The following GPR149 variants were observed in gnomAD, a reference collection of about 807,000 sequenced individuals.
GPR149 encodes the protein probable G protein-coupled receptor 149.
GPR149 carries 50 observed loss-of-function variants against 50.2 expected under a neutral mutation model. The observed-to-expected ratio is 1.00, with a 90% CI of 0.79 to 1.26. The LOEUF (loss-of-function observed/expected upper bound fraction) is 1.26. GPR149 is among the 50% of genes most tolerant of loss of function. The pLI, the probability that GPR149 is intolerant of heterozygous loss-of-function variation, is 0.00. For missense variants in GPR149, 983 were observed against 895.4 expected (o/e 1.10, Z -1.25); for synonymous variants, 405 against 358.2 (o/e 1.13, Z -1.48).
rs546651113 is a variant in GPR149 at position 154,353,837 on chromosome 3, C to T, written c.1624-15566G>A. On this transcript the variant is annotated intron_variant, in intron 3 of 3. Transcript: ENST00000389740. ...TTTCTTTCAAATACAGGACAAGGTC[C>T]TAACTTGAATAGGAAAGAGATATGT... The T allele has an allele frequency of 4.7e-6, 3 of 638,562 alleles. No homozygotes were observed. The East Asian group carries it at 8.7e-5, about 18-fold the overall frequency. 39.6% of individuals were successfully genotyped at this position (638,562 alleles called of 1,614,324 possible). A position where few individuals can be genotyped will look rare whatever the true frequency, so the allele number is the denominator to read the frequency against.
intron 3 of GPR149, among the ~76,000 whole-genome samples, chr3:154,402,444 A>T (rs1218997360): frequency 6.6e-6 from 1 of 151,178 alleles, no homozygotes; most frequent in Non-Finnish European, 1.5e-5. Context: ...ATAAATAAAT[A>T]AATATAGAAT....
intron 3 of GPR149, among the ~76,000 whole-genome samples, chr3:154,365,174 A>G (rs1018498105): frequency 1.3e-5 from 2 of 152,168 alleles, no homozygotes; most frequent in African/African-American, 2.4e-5. Flanking sequence ...CACTTCAATG[A>G]TGAATGTTGA....
intron 3 of GPR149, among the ~76,000 whole-genome samples, chr3:154,382,517 A>G (rs995067988): frequency 1.3e-5 from 2 of 152,242 alleles, no homozygotes; most frequent in Admixed American, 1.3e-4. Context: ...TCAAATGTCA[A>G]ATGACCACTT....
At chr3:154,413,927 G>A (rs1423631423) in intron 3 of GPR149, among the ~76,000 whole-genome samples, 2 of 131,646 alleles carry the variant, frequency 1.5e-5, no homozygotes, top group Non-Finnish European at 3.2e-5. Context: ...TCAACGAGTT[G>A]ATAAAGAAAT....
chr3:154,387,819 A>C (rs890555582), intron 3 of GPR149, among the ~76,000 whole-genome samples: 2 of 152,118 alleles, frequency 1.3e-5, no homozygotes, highest in African/African-American at 4.8e-5. Context: ...AAACAAAACA[A>C]ATCAAAACTG....
At chr3:154,372,168 C>T (rs1418710195) in intron 3 of GPR149, among the ~76,000 whole-genome samples, 1 of 152,188 alleles carries the variant, frequency 6.6e-6, no homozygotes, top group Admixed American at 6.5e-5. Flanking sequence ...GCTGGGCTTC[C>T]TGGGTCAAGT....
At chr3:154,377,865 T>C (rs1714828693) in intron 3 of GPR149, among the ~76,000 whole-genome samples, 1 of 152,136 alleles carries the variant, frequency 6.6e-6, no homozygotes, top group Non-Finnish European at 1.5e-5. Flanking sequence ...AATTCCTAGC[T>C]CCAGCTTCCC....
chr3:154,385,811 C>T (rs961958495), intron 3 of GPR149, among the ~76,000 whole-genome samples: 3 of 152,010 alleles, frequency 2.0e-5, no homozygotes, highest in Non-Finnish European at 2.9e-5. Context: ...ACACCATTCG[C>T]CTGCCTCAGC....
intron 3 of GPR149, among the ~76,000 whole-genome samples, chr3:154,369,894 A>T (rs1350844228): frequency 6.6e-5 from 10 of 152,216 alleles, no homozygotes. Flanking sequence ...TTAGCCAGGT[A>T]AATGATCGAA....
At chr3:154,395,485 G>A (rs928598669) in intron 3 of GPR149, among the ~76,000 whole-genome samples, 8 of 149,964 alleles carry the variant, frequency 5.3e-5, no homozygotes, top group Non-Finnish European at 1.0e-4. Context: ...TAGTAGGAAA[G>A]CAGGAAATCA....
intron 3 of GPR149, among the ~76,000 whole-genome samples, chr3:154,408,158 A>G (rs1244775905): frequency 1.3e-5 from 2 of 152,210 alleles, no homozygotes; most frequent in Non-Finnish European, 2.9e-5. Flanking sequence ...TCCTATGCTA[A>G]ATATAGAAAG....
chr3:154,342,060 A>T (rs1297535661), intron 3 of GPR149, among the ~76,000 whole-genome samples: 1 of 152,232 alleles, frequency 6.6e-6, no homozygotes, highest in Non-Finnish European at 1.5e-5. Flanking sequence ...CAAAAATTTT[A>T]AAAAATTCTT....
At chr3:154,386,305 T>A (rs1296920286) in intron 3 of GPR149, among the ~76,000 whole-genome samples, 3 of 152,136 alleles carry the variant, frequency 2.0e-5, no homozygotes, top group Non-Finnish European at 4.4e-5. Context: ...CTTACACAAT[T>A]GCAAAGAGCT....
chr3:154,373,069 A>T (rs1714703459), intron 3 of GPR149, among the ~76,000 whole-genome samples: 1 of 152,182 alleles, frequency 6.6e-6, no homozygotes, highest in African/African-American at 2.4e-5. Context: ...ATTTGGGTAT[A>T]TATTTGAAAT....
At position 154,341,292 on chromosome 3, in the gene GPR149, C is replaced by CATATATATAT. The variant is rs373212063; in HGVS notation, c.1624-3031_1624-3022dup. ...GCAAAAAATCAAGAAAAAAATAAGACATATATATATATATATATATATATA... is the reference window on the plus strand; with the variant it reads ...GCAAAAAATCAAGAAAAAAATAAGACATATATATATATATATATATATATATATATATATA... On this transcript the variant is annotated intron_variant, in intron 3 of 3. Transcript: ENST00000389740. Among the ~76,000 whole-genome samples, 220 of 72,842 alleles carry CATATATATAT rather than the reference C, an allele frequency of 3.0e-3. 6 individuals are homozygous for CATATATATAT. Among genetic ancestry groups the CATATATATAT allele is most frequent in the Non-Finnish European group, 3.4e-3 (136 of 39,688 alleles). 47.8% of individuals were successfully genotyped at this position (72,842 alleles called of 152,430 possible).
At chr3:154,426,535 A>G (rs1323125202) in intron 2 of GPR149, among the ~76,000 whole-genome samples, 1 of 152,236 alleles carries the variant, frequency 6.6e-6, no homozygotes, top group Non-Finnish European at 1.5e-5. Flanking sequence ...AATGCAGCAT[A>G]CACTAATGCA....
intron 3 of GPR149, among the ~76,000 whole-genome samples, chr3:154,347,884 C>T (rs189084347): frequency 5.2e-4 from 79 of 152,192 alleles, no homozygotes; most frequent in South Asian, 3.1e-3. Flanking sequence ...AAATGGCAAA[C>T]GTGGGATGGA....
At chr3:154,339,585 T>C (rs1288260548) in intron 3 of GPR149, among the ~76,000 whole-genome samples, 1 of 152,056 alleles carries the variant, frequency 6.6e-6, no homozygotes, top group Non-Finnish European at 1.5e-5. Context: ...CCCTCAGTCT[T>C]AGTTAGACAA....
At chr3:154,384,511 G>C (rs977268665) in intron 3 of GPR149, among the ~76,000 whole-genome samples, 4 of 152,172 alleles carry the variant, frequency 2.6e-5, no homozygotes, top group African/African-American at 9.7e-5. Context: ...GGAGACAGAA[G>C]CTTTTCAAAG....
Sources: gnomAD v4.1 joint callset for allele counts (sites outside exome capture counted in the v4.1 genomes callset) on GRCh38, gnomAD v4.1.1 for gene constraint, MANE v1.5 for transcripts, NCBI Gene and HGNC (gene_info 2026-07-23, HGNC 2026-07-21) for gene names.